The following EXTL3 variants were observed in gnomAD, a reference collection of about 807,000 sequenced individuals.
EXTL3 encodes exostosin like glycosyltransferase 3.
EXTL3 carries 27 observed loss-of-function variants against 69.3 expected under a neutral mutation model. The observed-to-expected ratio is 0.39, with a 90% CI of 0.29 to 0.54. The LOEUF is 0.54. EXTL3 is among the 20% of genes least tolerant of loss of function. EXTL3 has a pLI of 0.69. For missense variants in EXTL3, 1,003 were observed against 1,231.8 expected (o/e 0.81, Z 2.78); for synonymous variants, 511 against 499.4 (o/e 1.02, Z -0.31).
At chr8:28,607,844 G>A (rs916261730) in intron 2 of EXTL3, 2 of 152,440 alleles carry the variant, frequency 1.3e-5, no homozygotes, top group African/African-American at 4.8e-5. Context: ...GGGGCGCGGT[G>A]GCTCACGCCT....
intron 1 of EXTL3, among the ~76,000 whole-genome samples, chr8:28,686,622 A>G (rs936454490): frequency 1.3e-5 from 2 of 152,224 alleles, no homozygotes; most frequent in African/African-American, 4.8e-5. Context: ...ATTCCACAGG[A>G]AAAAAGAAAA....
Position 28,751,906 on chromosome 8 carries a change from A to C in EXTL3, c.*1040A>C, listed in dbSNP as rs1424724844. The C allele has an allele frequency of 6.6e-6, 1 of 152,376 alleles. No individual in the cohort carries two copies. Among genetic ancestry groups the C allele is most frequent in the East Asian group, 1.9e-4 (1 of 5,190 alleles). The allele number at this position is 152,376 out of a possible 1,614,324, so 9.4% of individuals were successfully genotyped here. On this transcript the variant is annotated 3_prime_UTR_variant, in exon 7 of 7. Coordinates refer to ENST00000220562, the MANE Select transcript of EXTL3 (RefSeq NM_001440.4). Reference sequence around the variant, plus strand: ...CAGGTCAGCCTCCTCTCCCTAGTGTAGAGCAAGCCAGTGTCCTTCGAGGAA... The same window carrying C: ...CAGGTCAGCCTCCTCTCCCTAGTGTCGAGCAAGCCAGTGTCCTTCGAGGAA...
At chr8:28,690,778 A>G (rs1375214219) in intron 1 of EXTL3, among the ~76,000 whole-genome samples, 1 of 152,220 alleles carries the variant, frequency 6.6e-6, no homozygotes, top group Admixed American at 6.5e-5. Flanking sequence ...AGCAACCAAG[A>G]TGGAAGCTGA....
intron 1 of EXTL3, among the ~76,000 whole-genome samples, chr8:28,641,633 C>T (rs1007652131): frequency 6.0e-5 from 9 of 151,120 alleles, no homozygotes; most frequent in East Asian, 2.0e-4. Flanking sequence ...TGTGCCACCA[C>T]GCCTAATTTT....
At chr8:28,704,585 G>T (rs1585263067) in intron 1 of EXTL3, among the ~76,000 whole-genome samples, 1 of 151,876 alleles carries the variant, frequency 6.6e-6, no homozygotes, top group East Asian at 1.9e-4. Context: ...TCCCTTTAAA[G>T]TCTCTTTTCC....
rs1801180958 is a variant in EXTL3 at position 28,717,364 on chromosome 8, C to T, written c.1305C>T (p.Thr435=). The part of the protein sequence containing the change: ...LKLSTFALII[T]PGDPRLVISS... Reference sequence around the variant, plus strand: ...TCTCCACCTTCGCCCTCATCATTACCCCCGGGGACCCTCGCTTGGTTATTT... The same window carrying T: ...TCTCCACCTTCGCCCTCATCATTACTCCCGGGGACCCTCGCTTGGTTATTT... The change falls in exon 3 of 7, where the codon ACC becomes ACT. Residue 435 remains threonine, a synonymous_variant. Coordinates refer to ENST00000220562, the MANE Select transcript of EXTL3 (RefSeq NM_001440.4). The surrounding 1 kb of genome is among the most constrained non-coding windows in gnomAD (Gnocchi z 8.3). The T allele has an allele frequency of 1.2e-6, 2 of 1,614,212 alleles. No individual in the cohort carries two copies. Among genetic ancestry groups the T allele is most frequent in the Non-Finnish European group, 1.7e-6 (2 of 1,180,038 alleles).
Position 28,672,235 on chromosome 8 carries a change from G to A in EXTL3, c.-52-41222G>A, listed in dbSNP as rs566922536. ...GATCGAGACCATCCTGGCTAACATG[G>A]TGAAACCCTGTCTCTACTAAAAATA... On this transcript the variant is annotated intron_variant, in intron 1 of 6. Transcript: ENST00000523149. Among the ~76,000 whole-genome samples, 5 of 152,024 alleles carry A rather than the reference G, an allele frequency of 3.3e-5. No individual in the cohort carries two copies. In the East Asian group the frequency reaches 7.7e-4, roughly 24 times the overall value.
At chr8:28,628,226 GT>G (rs1234225717) in intron 1 of EXTL3, among the ~76,000 whole-genome samples, 1 of 152,136 alleles carries the variant, frequency 6.6e-6, no homozygotes, top group African/African-American at 2.4e-5. Context: ...TCTGGATGTG[GT>G]GGCACGAGCC....
At position 28,647,221 on chromosome 8, in the gene EXTL3, C is replaced by T. The variant is rs370265094; in HGVS notation, c.-53+24411C>T. On this transcript the variant is annotated intron_variant, in intron 1 of 6. Transcript: ENST00000523149. ...CTGGGTTCAAGCCATTGTCCTCCCTCATCCTCCCTAGTAGCTGGGATTACA... is the reference window on the plus strand; with the variant it reads ...CTGGGTTCAAGCCATTGTCCTCCCTTATCCTCCCTAGTAGCTGGGATTACA... 7.9e-5 allele frequency among the ~76,000 whole-genome samples: 12 copies of T among 152,078 alleles called. No individual in the cohort carries two copies. The East Asian group carries it at 1.7e-3, about 22-fold the overall frequency.
intron 1 of EXTL3, among the ~76,000 whole-genome samples, chr8:28,648,900 T>C (rs183910270): frequency 1.3e-5 from 2 of 151,974 alleles, no homozygotes; most frequent in Non-Finnish European, 2.9e-5. Flanking sequence ...TTGGTTTGTT[T>C]GTTTGTTTGT....
At chr8:28,637,017 C>T (rs939094244) in intron 1 of EXTL3, among the ~76,000 whole-genome samples, 9 of 43,804 alleles carry the variant, frequency 2.1e-4, no homozygotes, top group African/African-American at 8.5e-4. Context: ...GGGGGTGGGG[C>T]GGGGAGAGGG....
intron 4 of EXTL3, among the ~76,000 whole-genome samples, chr8:28,733,128 GT>G (rs991712995): frequency 1.6e-4 from 25 of 152,070 alleles, no homozygotes; most frequent in African/African-American, 5.3e-4. Context: ...TCATGCGCAA[GT>G]TTTTGTATGA....
intron 2 of EXTL3, among the ~76,000 whole-genome samples, chr8:28,611,356 G>A (rs1806268893): frequency 6.6e-6 from 1 of 152,118 alleles, no homozygotes; most frequent in African/African-American, 2.4e-5. Context: ...GGTAGGCTGA[G>A]GTGGGAGGAT....
intron 1 of EXTL3, among the ~76,000 whole-genome samples, chr8:28,677,008 G>T (rs1807398078): frequency 6.6e-6 from 1 of 152,162 alleles, no homozygotes; most frequent in African/African-American, 2.4e-5. Context: ...AAAGAGAAGG[G>T]AAGAGAGTGA....
At chr8:28,693,501 GTTTA>G (rs576598389) in intron 1 of EXTL3, among the ~76,000 whole-genome samples, 2,490 of 151,920 alleles carry the variant, frequency 0.016, 36 homozygotes, top group Non-Finnish European at 0.023. Context: ...AAACTTGAAT[GTTTA>G]TTTTTTTTTT....
chr8:28,654,650 G>A (rs540662101), intron 1 of EXTL3, among the ~76,000 whole-genome samples: 1 of 152,244 alleles, frequency 6.6e-6, no homozygotes, highest in African/African-American at 2.4e-5. Flanking sequence ...GTTCAATATT[G>A]TAATATCATC....
intron 1 of EXTL3, among the ~76,000 whole-genome samples, chr8:28,712,349 G>C (rs1462915215): frequency 6.6e-6 from 1 of 152,158 alleles, no homozygotes; most frequent in African/African-American, 2.4e-5. Context: ...GGGCAGCCTT[G>C]AAAATATTGA....
At chr8:28,648,620 T>TCCTCCCTC (rs951941657) in intron 1 of EXTL3, among the ~76,000 whole-genome samples, 1 of 152,016 alleles carries the variant, frequency 6.6e-6, no homozygotes, top group African/African-American at 2.4e-5. Flanking sequence ...AATTTCACTC[T>TCCTCCCTC]CCTCCCTCCC....
At chr8:28,651,868 T>C (rs928594301) in intron 1 of EXTL3, among the ~76,000 whole-genome samples, 11 of 152,170 alleles carry the variant, frequency 7.2e-5, no homozygotes, top group South Asian at 2.1e-4. Context: ...CAACTACCAT[T>C]AGACTTCTGT....
Sources: allele counts gnomAD v4.1 joint callset (sites outside exome capture counted in the v4.1 genomes callset), GRCh38; gene constraint gnomAD v4.1.1; non-coding constraint Gnocchi (gnomAD v3.1); transcripts MANE v1.5; gene names NCBI Gene and HGNC (gene_info 2026-07-23, HGNC 2026-07-21).